EXT2: variants seen among roughly 807,000 people sequenced by gnomAD.
The protein encoded by EXT2 is exostosin glycosyltransferase 2, also known as exostosin-2.
In EXT2, 53 loss-of-function variants were observed where a neutral mutation model predicts 81.6. The observed-to-expected ratio is 0.65, with a 90% CI of 0.52 to 0.82. EXT2 has a LOEUF of 0.82. Among genes scored for constraint, EXT2 ranks in the 40% least tolerant of loss-of-function variants. The pLI is 0.00. For missense variants in EXT2, 774 were observed against 910.2 expected (o/e 0.85, Z 1.93); for synonymous variants, 320 against 340.0 (o/e 0.94, Z 0.65).
Position 44,245,440 on chromosome 11 carries a change from A to T in EXT2, c.*1153A>T, listed in dbSNP as rs185285766. On this transcript the variant is annotated 3_prime_UTR_variant, in exon 14 of 14. Coordinates refer to ENST00000533608, the MANE Select transcript of EXT2 (RefSeq NM_207122.2). ...ATTTACTAATACTGCACATGTGTGA[A>T]TTATACCTCTTTAAGCCCAGTTGAT... 72 of 188,016 alleles carry T rather than the reference A, an allele frequency of 3.8e-4. No homozygotes were observed. The highest frequency in any genetic ancestry group is 6.0e-4 in the Non-Finnish European group (53 of 89,010). 11.6% of individuals were successfully genotyped at this position (188,016 alleles called of 1,614,324 possible). A position where few individuals can be genotyped will look rare whatever the true frequency, so the allele number is the denominator to read the frequency against.
chr11:44,159,355 T>TC (rs1954899374), intron 7 of EXT2, among the ~76,000 whole-genome samples: 1 of 152,068 alleles, frequency 6.6e-6, no homozygotes. Context: ...TCTTTTTTTT[T>TC]CTGTGCTTTT....
At position 44,244,226 on chromosome 11, in the gene EXT2, T is replaced by C. The variant is rs1233637988; in HGVS notation, c.2096T>C (p.Val699Ala). 1 of 1,614,078 alleles carries C rather than the reference T, an allele frequency of 6.2e-7. No individual in the cohort carries two copies. ...GTGGTGGAACACCGAGCTGACCCTGTCCTGTACAAAGATGACTTTCCTGAG... is the reference window on the plus strand; with the variant it reads ...GTGGTGGAACACCGAGCTGACCCTGCCCTGTACAAAGATGACTTTCCTGAG... ...LKVVEHRADP[V>A]LYKDDFPEKL... Residue 699 changes from valine (V) to alanine (A), a missense_variant, in exon 14 of 14, where the codon GTC (valine) becomes GCC (alanine). Around this residue, in one of 2 missense-constraint regions of EXT2, gnomAD observed 148 missense variants for 239.7 expected, o/e 0.62. Coordinates refer to ENST00000533608, the MANE Select transcript of EXT2 (RefSeq NM_207122.2).
chr11:44,129,843 A>G (rs1225019447), intron 6 of EXT2, among the ~76,000 whole-genome samples: 1 of 152,166 alleles, frequency 6.6e-6, no homozygotes, highest in African/African-American at 2.4e-5. Context: ...GGGAGGTAAA[A>G]AAATGGAGCT....
rs1395383609 is a variant in EXT2 at position 44,107,745 on chromosome 11, T to C, written c.33T>C (p.Gly11=). 3 of 1,614,082 alleles carry C rather than the reference T, an allele frequency of 1.9e-6. No individual in the cohort carries two copies. In the Admixed American group the frequency reaches 5.0e-5, roughly 27 times the overall value. The stretch of plus-strand genomic sequence containing the variant: ...CGTCGGTCAAGTATAATATCCGGGG[T>C]CCTGCCCTCATCCCAAGAATGAAGA... The part of the protein sequence containing the change: MCASVKYNIR[G]PALIPRMKTK... The change falls in exon 2 of 14, where the codon GGT becomes GGC. Residue 11 remains glycine, a synonymous_variant. Transcript: ENST00000533608.
At chr11:44,208,752 T>C (rs11037900) in intron 10 of EXT2, among the ~76,000 whole-genome samples, 91,492 of 152,122 alleles carry the variant, frequency 0.6, 27,826 homozygotes, top group Middle Eastern at 0.71. Context: ...TATTCTGTGC[T>C]GAGACTAAGT....
intron 10 of EXT2, among the ~76,000 whole-genome samples, chr11:44,214,307 G>A (rs1181893516): frequency 6.6e-6 from 1 of 152,048 alleles, no homozygotes; most frequent in East Asian, 1.9e-4. Context: ...GTAGAGACGG[G>A]GTTTAACCGT....
chr11:44,217,991 A>T (rs1955739343), intron 10 of EXT2, among the ~76,000 whole-genome samples: 2 of 152,216 alleles, frequency 1.3e-5, no homozygotes. Context: ...ATTCCTATTC[A>T]TGTGAGAATA....
intron 4 of EXT2, among the ~76,000 whole-genome samples, chr11:44,118,598 A>G (rs1199247215): frequency 6.6e-6 from 1 of 152,238 alleles, no homozygotes; most frequent in Non-Finnish European, 1.5e-5. Flanking sequence ...ATCATTAAAT[A>G]TGAGCAAAAC....
intron 8 of EXT2, among the ~76,000 whole-genome samples, chr11:44,180,394 G>C (rs1258359254): frequency 6.6e-6 from 1 of 152,142 alleles, no homozygotes; most frequent in Non-Finnish European, 1.5e-5. Context: ...TGTAAACAAG[G>C]ATTTTGTTTT....
Position 44,247,060 on chromosome 11 carries a change from G to A in EXT2, c.*2773G>A, listed in dbSNP as rs1956100397. ...TGGGCCTGCTTGGAATGCCAGGGCT[G>A]GAAATACTTTTTTATTTTGCTGATT... On this transcript the variant is annotated 3_prime_UTR_variant, in exon 14 of 14. Transcript: ENST00000533608. 6.6e-6 allele frequency among the ~76,000 whole-genome samples: 1 copy of A among 152,250 alleles called. No individual in the cohort carries two copies. Among genetic ancestry groups the A allele is most frequent in the South Asian group, 2.1e-4 (1 of 4,828 alleles).
intron 7 of EXT2, among the ~76,000 whole-genome samples, chr11:44,150,627 T>C (rs1954780059): frequency 6.6e-6 from 1 of 152,188 alleles, no homozygotes; most frequent in South Asian, 2.1e-4. Context: ...CAGCTTAAAA[T>C]AGAGTCTCTA....
At chr11:44,158,707 A>C (rs1954889558) in intron 7 of EXT2, among the ~76,000 whole-genome samples, 1 of 151,894 alleles carries the variant, frequency 6.6e-6, no homozygotes. Flanking sequence ...CCTTATGTAG[A>C]TCTGAATTCC....
intron 9 of EXT2, among the ~76,000 whole-genome samples, chr11:44,200,726 T>A (rs2135191494): frequency 6.6e-6 from 1 of 152,306 alleles, no homozygotes; most frequent in East Asian, 1.9e-4. Context: ...TGAAGTGGGC[T>A]TAAGGTTTGT....
chr11:44,221,257 A>T lies in EXT2; in HGVS notation c.1663-11096A>T, dbSNP rs1955778902. Among the ~76,000 whole-genome samples, 3 of 152,108 alleles carry T rather than the reference A, an allele frequency of 2.0e-5. No homozygotes were observed. In the South Asian group the frequency reaches 6.2e-4, roughly 32 times the overall value. On this transcript the variant is annotated intron_variant, in intron 10 of 13. Transcript: ENST00000533608. ...AGGAAAGAGCCCTGCAGACCTTTCC[A>T]TGGCCAGCGCTGTGTGTTCTGCACC...
At chr11:44,212,469 A>G (rs951548201) in intron 10 of EXT2, among the ~76,000 whole-genome samples, 3 of 152,090 alleles carry the variant, frequency 2.0e-5, no homozygotes, top group Non-Finnish European at 2.9e-5. Context: ...GAATGGCTAT[A>G]AGTAAAATTA....
At position 44,108,177 on chromosome 11, in the gene EXT2, C is replaced by G; in HGVS notation, c.465C>G (p.Pro155=). 1.9e-6 allele frequency: 3 copies of G among 1,614,036 alleles called. No individual in the cohort carries two copies. Among genetic ancestry groups the G allele is most frequent in the African/African-American group, 1.3e-5 (1 of 75,050 alleles). The part of the protein sequence containing the change: ...DDINRACLFV[P]SIDVLNQNTL... Reference sequence around the variant, plus strand: ...TCAACCGGGCCTGTCTGTTTGTTCCCTCCATCGATGTGCTTAACCAGAACA... The same window carrying G: ...TCAACCGGGCCTGTCTGTTTGTTCCGTCCATCGATGTGCTTAACCAGAACA... Residue 155 remains proline, a synonymous_variant, in exon 2 of 14, where the codon CCC becomes CCG. Transcript: ENST00000533608.
At chr11:44,185,636 C>T (rs1273972822) in intron 8 of EXT2, among the ~76,000 whole-genome samples, 1 of 152,128 alleles carries the variant, frequency 6.6e-6, no homozygotes, top group Admixed American at 6.5e-5. Context: ...TCTCTTCTTT[C>T]CACTCTGTAT....
chr11:44,225,877 A>G (rs1955833232), intron 10 of EXT2, among the ~76,000 whole-genome samples: 1 of 152,186 alleles, frequency 6.6e-6, no homozygotes, highest in Non-Finnish European at 1.5e-5. Context: ...GATCTCTGAG[A>G]TAGCTTGGAC....
chr11:44,195,664 A>G (rs1357070902), intron 8 of EXT2, among the ~76,000 whole-genome samples: 1 of 152,126 alleles, frequency 6.6e-6, no homozygotes, highest in African/African-American at 2.4e-5. Flanking sequence ...AAAGTTGGTG[A>G]TGGGTGTCCA....
Sources: allele counts gnomAD v4.1 joint callset (sites outside exome capture counted in the v4.1 genomes callset), GRCh38; gene constraint gnomAD v4.1.1; regional missense constraint gnomAD v4.1.1; transcripts MANE v1.5; gene names NCBI Gene and HGNC (gene_info 2026-07-23, HGNC 2026-07-21).